Variants in TRIP11 observed in about 807,000 individuals in gnomAD.
TRIP11 encodes thyroid receptor-interacting protein 11.
TRIP11 carries 148 observed loss-of-function variants against 223.1 expected under a neutral mutation model. The observed-to-expected ratio is 0.66, with a 90% CI of 0.58 to 0.76. TRIP11 has a LOEUF of 0.76. Ranked by LOEUF, TRIP11 falls within the 30% of genes least tolerant of loss-of-function variation. The probability of loss-of-function intolerance (pLI) is 0.00; values close to 1 mark genes in which losing one functional copy is unlikely to be tolerated. For synonymous variants in TRIP11, 762 were observed against 772.6 expected (o/e 0.99, Z 0.23); for missense variants, 2,043 against 2,222.0 (o/e 0.92, Z 1.62).
intron 4 of TRIP11, among the ~76,000 whole-genome samples, chr14:92,020,289 AAAAT>A (rs1279620399): frequency 3.3e-5 from 5 of 152,030 alleles, no homozygotes; most frequent in African/African-American, 1.2e-4. Context: ...AAAAGATTCC[AAAAT>A]CCAAAATCTG....
rs201509571 is a variant in TRIP11 at position 92,004,872 on chromosome 14, A to G, written c.3104T>C (p.Leu1035Pro). The change falls in exon 11 of 21, where the codon CTA becomes CCA. Residue 1035 changes from leucine (L) to proline (P), a missense_variant. By Grantham distance (98) the Leu-to-Pro change is moderately conservative. Coordinates refer to ENST00000267622, the MANE Select transcript of TRIP11 (RefSeq NM_004239.4). ...AGTTAAAGATATATTCTTTTCATTT[A>G]GAAGTTTAATCTCCAGTTCTCGCTC... is the stretch of plus-strand genomic sequence containing the variant. ...IKERELEIKL[L>P]NEKNISLTKQ... The G allele has an allele frequency of 1.5e-5, 24 of 1,613,768 alleles. No homozygotes were observed. The highest frequency in any genetic ancestry group is 2.0e-5 in the Non-Finnish European group (24 of 1,179,996).
chr14:91,981,010 ATATT>A (rs1489755722), intron 16 of TRIP11, among the ~76,000 whole-genome samples: 264 of 55,698 alleles, frequency 4.7e-3, no homozygotes, highest in African/African-American at 0.015. Context: ...ATATATATAT[ATATT>A]TTTTTTTTTT....
intron 15 of TRIP11, 74 bp from the exon 16 acceptor site, chr14:91,988,457 A>C: frequency 3.1e-6 from 4 of 1,289,290 alleles, no homozygotes; most frequent in Non-Finnish European, 4.4e-6. Flanking sequence ...GAGACATCTT[A>C]GAGTCAACCT....
intron 15 of TRIP11, among the ~76,000 whole-genome samples, chr14:91,990,322 C>T (rs141781242): frequency 0.012 from 1,770 of 152,174 alleles, 16 homozygotes; most frequent in Non-Finnish European, 0.017. Flanking sequence ...CTTAAATCTA[C>T]GCTTAGATTT....
chr14:92,017,889 T>C (rs1268056853), intron 4 of TRIP11, 139 bp from the exon 5 acceptor site: 6 of 685,592 alleles, frequency 8.8e-6, no homozygotes, highest in Non-Finnish European at 1.5e-5. Flanking sequence ...GCCATGGACC[T>C]TTTAAAGAAC....
intron 2 of TRIP11, among the ~76,000 whole-genome samples, chr14:92,031,441 G>C (rs891412966): frequency 6.6e-6 from 1 of 152,088 alleles, no homozygotes; most frequent in African/African-American, 2.4e-5. Flanking sequence ...GCTGGGTGCG[G>C]TGTTGCATGC....
In TRIP11 at chr14:92,039,720, G is replaced by C. The variant is rs749337771; in HGVS notation, c.-35C>G. 12 of 1,599,804 alleles carry C rather than the reference G, an allele frequency of 7.5e-6. No individual in the cohort carries two copies. In the Admixed American group the frequency reaches 1.2e-4, roughly 16 times the overall value. ...TTTAGAGAACGACCCGGTCCGCTCGGAAAAAAGAAAACGTTTAGCGCCGCC... is the reference window on the plus strand; with the variant it reads ...TTTAGAGAACGACCCGGTCCGCTCGCAAAAAAGAAAACGTTTAGCGCCGCC... On this transcript the variant is annotated 5_prime_UTR_variant, in exon 1 of 21. Coordinates refer to ENST00000267622, the MANE Select transcript of TRIP11 (RefSeq NM_004239.4).
chr14:92,017,616 G>T, intron 5 of TRIP11, 66 bp downstream of exon 5: 1 of 1,208,108 alleles, frequency 8.3e-7, no homozygotes, highest in Non-Finnish European at 1.2e-6. Context: ...TACTAATTCA[G>T]GCCTATGCTT....
chr14:91,975,035 G>T, intron 18 of TRIP11, 137 bp downstream of exon 18: 1 of 837,330 alleles, frequency 1.2e-6, no homozygotes. Context: ...CCTCTTCAAT[G>T]TTGTATGAAG....
Position 92,039,876 on chromosome 14 carries a change from C to T in TRIP11, c.-191G>A. On this transcript the variant is annotated 5_prime_UTR_variant, in exon 1 of 21. Coordinates refer to ENST00000267622, the MANE Select transcript of TRIP11 (RefSeq NM_004239.4). ...CGCAGAGGCCTGGCCTGGAATTTTA[C>T]CAGGGGCCCGCCTCTAGTGACACAG... 6.0e-6 allele frequency: 7 copies of T among 1,169,718 alleles called. No individual in the cohort carries two copies. Among genetic ancestry groups the T allele is most frequent in the Non-Finnish European group, 8.3e-6 (7 of 840,962 alleles). 72.5% of individuals were successfully genotyped at this position (1,169,718 alleles called of 1,614,324 possible). A position where few individuals can be genotyped will look rare whatever the true frequency, so the allele number is the denominator to read the frequency against.
intron 4 of TRIP11, among the ~76,000 whole-genome samples, chr14:92,018,801 CA>C (rs907363674): frequency 5.5e-5 from 8 of 146,702 alleles, no homozygotes; most frequent in Non-Finnish European, 7.5e-5. Context: ...ATTAAAAATA[CA>C]AAAAAAAAAT....
rs1478048824 is a variant in TRIP11 at position 92,029,302 on chromosome 14, T to A, written c.202-3882A>T. 1.3e-4 allele frequency among the ~76,000 whole-genome samples: 13 copies of A among 103,284 alleles called. No homozygotes were observed. In the South Asian group the frequency reaches 3.0e-3, roughly 24 times the overall value. The allele number at this position is 103,284 out of a possible 152,430, so 67.8% of individuals were successfully genotyped here. A position where few individuals can be genotyped will look rare whatever the true frequency, so the allele number is the denominator to read the frequency against. On this transcript the variant is annotated intron_variant, in intron 2 of 20. Transcript: ENST00000267622. ...ATTATTTTTTTTTTTTTTTTTTTTT[T>A]TTTTTTTTTTTGAGATGGAGTCTCA... is the stretch of plus-strand genomic sequence containing the variant.
At chr14:92,010,592 C>T (rs555070623) in intron 9 of TRIP11, among the ~76,000 whole-genome samples, 4 of 152,178 alleles carry the variant, frequency 2.6e-5, no homozygotes, top group African/African-American at 9.6e-5. Context: ...TGCCTCACCA[C>T]TAAGAAAGTA....
At chr14:91,974,591 C>T (rs375721894) in intron 19 of TRIP11, 36 bp downstream of exon 19, 14 of 1,467,042 alleles carry the variant, frequency 9.5e-6, no homozygotes, top group African/African-American at 4.2e-5. Context: ...AGTCATTTTA[C>T]TATTCACCTT....
At chr14:91,999,880 A>C in intron 12 of TRIP11, 88 bp downstream of exon 12, 1 of 1,556,300 alleles carries the variant, frequency 6.4e-7, no homozygotes, top group South Asian at 1.1e-5. Flanking sequence ...TAACAGAGAA[A>C]TTCATTTTCA....
chr14:92,013,655 C>T (rs141921165), intron 7 of TRIP11, among the ~76,000 whole-genome samples: 135 of 152,248 alleles, frequency 8.9e-4, no homozygotes, highest in African/African-American at 3.1e-3. Flanking sequence ...ATCTGGATCA[C>T]CCAATATGAT....
At position 91,974,660 on chromosome 14, in the gene TRIP11, A is replaced by C. The variant is rs751213664; in HGVS notation, c.5541T>G (p.Pro1847=). The C allele has an allele frequency of 1.9e-6, 3 of 1,612,580 alleles. No individual in the cohort carries two copies. The highest frequency in any genetic ancestry group is 2.2e-5 in the South Asian group (2 of 91,002). Residue 1847 remains proline, a synonymous_variant, in exon 19 of 21, where the codon CCT becomes CCG. Coordinates refer to ENST00000267622, the MANE Select transcript of TRIP11 (RefSeq NM_004239.4). ...CCACAGATTGCTGATTTGGTCTCAA[A>C]GGTGTGTTGGGAACACTTTTTGATC... ...GGGSKSVPNT[P]LRPNQQSVVN...
rs377563979 is a variant in TRIP11 at position 92,004,838 on chromosome 14, A to C, written c.3138T>G (p.Ile1046Met). Residue 1046 changes from isoleucine to methionine, a missense_variant, in exon 11 of 21, where the codon ATT becomes ATG. Ile to Met is a conservative substitution (Grantham distance 10). Coordinates refer to ENST00000267622, the MANE Select transcript of TRIP11 (RefSeq NM_004239.4). ...NEKNISLTKQ[I>M]DQLSKDEVGK... Reference sequence around the variant, plus strand: ...CAACTTCATCTTTGGACAACTGATCAATCTGTTTAGTTAAAGATATATTCT... The same window carrying C: ...CAACTTCATCTTTGGACAACTGATCCATCTGTTTAGTTAAAGATATATTCT... 6.2e-7 allele frequency: 1 copy of C among 1,614,002 alleles called. No individual in the cohort carries two copies. The highest frequency in any genetic ancestry group is 8.5e-7 in the Non-Finnish European group (1 of 1,179,998).
chr14:92,033,053 T>G (rs1345057819), intron 2 of TRIP11, 139 bp downstream of exon 2: 5 of 671,128 alleles, frequency 7.5e-6, no homozygotes, highest in African/African-American at 1.8e-5. Flanking sequence ...TGATAAAAGC[T>G]CAAAAAACAA....
Sources: gnomAD v4.1 joint callset for allele counts (sites outside exome capture counted in the v4.1 genomes callset) on GRCh38, gnomAD v4.1.1 for gene constraint, MANE v1.5 for transcripts, NCBI Gene and HGNC (gene_info 2026-07-23, HGNC 2026-07-21) for gene names.